The following CDH13 variants were observed in gnomAD, a reference collection of about 807,000 sequenced individuals.
CDH13 encodes the protein cadherin 13, also known as cadherin-13.
Under a neutral mutation model 63.8 loss-of-function variants are expected in CDH13, and 24 were observed. The observed-to-expected ratio is 0.38, with a 90% CI of 0.27 to 0.53. CDH13 has a LOEUF of 0.53. Among genes scored for constraint, CDH13 ranks in the 20% least tolerant of loss-of-function variants. The pLI is 0.85. For missense variants in CDH13, 1,049 were observed against 903.1 expected, an observed-to-expected ratio of 1.16 and a Z score of -2.07; for synonymous variants, 503 against 355.3, an observed-to-expected ratio of 1.42 and a Z score of -4.67.
At chr16:82,768,564 G>T (rs979546) in intron 1 of CDH13, among the ~76,000 whole-genome samples, 106,751 of 152,120 alleles carry the variant, frequency 0.7, 40,212 homozygotes, top group East Asian at 1. Context: ...TTCAAAAATA[G>T]GGTATAGCCT....
At chr16:83,114,788 A>T (rs1330960006) in intron 3 of CDH13, among the ~76,000 whole-genome samples, 2 of 152,192 alleles carry the variant, frequency 1.3e-5, no homozygotes, top group African/African-American at 4.8e-5. Context: ...CAATGAAGCA[A>T]ACTTTAAATG....
chr16:83,303,508 C>A (rs1372835109), intron 5 of CDH13, among the ~76,000 whole-genome samples: 2 of 152,084 alleles, frequency 1.3e-5, no homozygotes, highest in Non-Finnish European at 2.9e-5. Flanking sequence ...CAAAGTTTGT[C>A]TGGGCTGTAG....
rs147688728 is a variant in CDH13, at chr16:83,025,584, T to C, written c.158-6426T>C. Among the ~76,000 whole-genome samples the C allele has an allele frequency of 2.4e-3, 369 of 152,228 alleles. 2 individuals carry two copies. The highest frequency in any genetic ancestry group is 8.6e-3 in the African/African-American group (358 of 41,546). ...GCTTCCTCCCATGACACACGGGAGT[T>C]ATAGGAACTACAATTCAAGATGAGA... On this transcript the variant is annotated intron_variant, in intron 2 of 13. Coordinates refer to ENST00000567109, the MANE Select transcript of CDH13 (RefSeq NM_001257.5).
At chr16:83,582,721 G>C (rs1219534581) in intron 7 of CDH13, among the ~76,000 whole-genome samples, 1 of 152,186 alleles carries the variant, frequency 6.6e-6, no homozygotes, top group Non-Finnish European at 1.5e-5. Context: ...CTGACGGCCA[G>C]TGGAAATGGA....
intron 2 of CDH13, among the ~76,000 whole-genome samples, chr16:83,025,586 T>C (rs1258255022): frequency 2.0e-5 from 3 of 152,122 alleles, no homozygotes; most frequent in Admixed American, 6.6e-5. Context: ...ACGGGAGTTA[T>C]AGGAACTACA....
Position 83,713,972 on chromosome 16 carries a change from G to A in CDH13, c.1539-34136G>A, listed in dbSNP as rs115808052. Among the ~76,000 whole-genome samples the A allele has an allele frequency of 4.1e-3, 627 of 152,290 alleles. 4 individuals carry two copies. The highest frequency in any genetic ancestry group is 0.015 in the African/African-American group (609 of 41,552). ...AGCTCTGCACCCCAGAGAAATGCCT[G>A]TCCAGTATTCTCCAAAATTCCTGGG... On this transcript the variant is annotated intron_variant, in intron 10 of 13. Coordinates refer to ENST00000567109, the MANE Select transcript of CDH13 (RefSeq NM_001257.5).
intron 3 of CDH13, among the ~76,000 whole-genome samples, chr16:83,120,032 C>G (rs1333029520): frequency 8.4e-6 from 1 of 119,024 alleles, no homozygotes; most frequent in African/African-American, 3.1e-5. Context: ...GCAGGATGTC[C>G]TGACTTCAGT....
intron 2 of CDH13, among the ~76,000 whole-genome samples, chr16:82,947,457 C>G (rs1904857304): frequency 6.6e-6 from 1 of 152,114 alleles, no homozygotes; most frequent in African/African-American, 2.4e-5. Flanking sequence ...ATTATCCATA[C>G]TTCTGTGTTA....
chr16:83,133,625 A>G (rs2036151982), intron 4 of CDH13, among the ~76,000 whole-genome samples: 1 of 152,066 alleles, frequency 6.6e-6, no homozygotes, highest in African/African-American at 2.4e-5. Context: ...CAGCCTCCCT[A>G]ATAGCTGAGA....
At chr16:83,533,933 T>A (rs1363881701) in intron 7 of CDH13, among the ~76,000 whole-genome samples, 2 of 152,204 alleles carry the variant, frequency 1.3e-5, no homozygotes, top group Non-Finnish European at 2.9e-5. Context: ...TTAATCTATT[T>A]TAAAAATCTA....
rs145239671 is a variant in CDH13 at position 82,988,782 on chromosome 16, G to A, written c.158-43228G>A. Among the ~76,000 whole-genome samples, 283 of 150,540 alleles carry A rather than the reference G, an allele frequency of 1.9e-3. No homozygotes were observed. The Middle Eastern group carries it at 0.024, about 13-fold the overall frequency. ...AACTCAAAAAAAAAAAAAAAAATGC[G>A]AGTAATGAAGGGCAGATTCAGGACC... On this transcript the variant is annotated intron_variant, in intron 2 of 13. Coordinates refer to ENST00000567109, the MANE Select transcript of CDH13 (RefSeq NM_001257.5).
intron 3 of CDH13, among the ~76,000 whole-genome samples, chr16:83,034,056 G>T (rs938849112): frequency 6.6e-6 from 1 of 152,068 alleles, no homozygotes; most frequent in Non-Finnish European, 1.5e-5. Flanking sequence ...TTACCTTCCC[G>T]CCAGTGCTGT....
chr16:83,646,274 C>G (rs1911782426), intron 8 of CDH13, among the ~76,000 whole-genome samples: 1 of 152,208 alleles, frequency 6.6e-6, no homozygotes, highest in Admixed American at 6.5e-5. Flanking sequence ...ATGACGGTAA[C>G]CTACCCCACT....
At chr16:83,549,127 G>A (rs746551799) in intron 7 of CDH13, among the ~76,000 whole-genome samples, 3 of 152,078 alleles carry the variant, frequency 2.0e-5, no homozygotes, top group Non-Finnish European at 2.9e-5. Flanking sequence ...GCTGAATCTC[G>A]GTTCACATGT....
intron 1 of CDH13, 99 bp from the exon 2 acceptor site, chr16:82,858,263 A>C (rs979732233): frequency 5.7e-6 from 4 of 707,918 alleles, no homozygotes; most frequent in Non-Finnish European, 9.7e-6. Flanking sequence ...AAATGAAATC[A>C]AAACCTCAGC....
chr16:83,702,596 G>C (rs1906410299), intron 10 of CDH13, among the ~76,000 whole-genome samples: 1 of 152,158 alleles, frequency 6.6e-6, no homozygotes, highest in African/African-American at 2.4e-5. Flanking sequence ...CCGCCTGTAT[G>C]TTCAAAAAGA....
In CDH13 at chr16:83,553,651, G is replaced by A. The variant is rs4581686; in HGVS notation, c.961-48803G>A. On this transcript the variant is annotated intron_variant, in intron 7 of 13. Coordinates refer to ENST00000567109, the MANE Select transcript of CDH13 (RefSeq NM_001257.5). Reference sequence around the variant, plus strand: ...GGCTCACTGCAACCTCTGCCTCTTGGGTTCAAGCCATTTTCCTGCATCAGC... The same window carrying A: ...GGCTCACTGCAACCTCTGCCTCTTGAGTTCAAGCCATTTTCCTGCATCAGC... Among the ~76,000 whole-genome samples, 1,148 of 152,254 alleles carry A rather than the reference G, an allele frequency of 7.5e-3. 11 individuals carry two copies. The highest frequency in any genetic ancestry group is 0.026 in the African/African-American group (1,100 of 41,550).
chr16:83,770,784 T>A (rs7201102), intron 11 of CDH13, among the ~76,000 whole-genome samples: 39,626 of 152,024 alleles, frequency 0.26, 5,526 homozygotes, highest in Middle Eastern at 0.33. Context: ...GTCACCATGT[T>A]GATTTTGGTG....
intron 2 of CDH13, among the ~76,000 whole-genome samples, chr16:83,014,743 A>AAAATATATATATATAT (rs1429094653): frequency 3.0e-5 from 1 of 33,224 alleles, no homozygotes; most frequent in Non-Finnish European, 5.4e-5. Context: ...AAAAAAAAAA[A>AAAATATATATATATAT]ATATATATAT....
Sources: gnomAD v4.1 joint callset for allele counts (sites outside exome capture counted in the v4.1 genomes callset) on GRCh38, gnomAD v4.1.1 for gene constraint, MANE v1.5 for transcripts, NCBI Gene and HGNC (gene_info 2026-07-23, HGNC 2026-07-21) for gene names.